The following TRIM46 variants were observed in gnomAD, a reference collection of about 807,000 sequenced individuals.
TRIM46 encodes tripartite motif containing 46.
A neutral mutation model predicts 69.7 loss-of-function variants in TRIM46; 17 were observed. The observed-to-expected ratio is 0.24, with a 90% confidence interval of 0.17 to 0.37. The LOEUF (loss-of-function observed/expected upper bound fraction) is 0.37. Among genes scored for constraint, TRIM46 ranks in the 10% least tolerant of loss-of-function variants. The probability of loss-of-function intolerance (pLI) is 1.00; values close to 1 mark genes in which losing one functional copy is unlikely to be tolerated. For missense variants in TRIM46, 675 were observed against 1,025.1 expected (o/e 0.66, Z 4.66); for synonymous variants, 391 against 429.0 (o/e 0.91, Z 1.09).
chr1:155,181,197 G>A lies in TRIM46; in HGVS notation c.1589-655G>A, dbSNP rs974205470. ...AGGGGTTGCAGTGAGCCAAGATTGC[G>A]CCACTGCACTCCAGCCTGGGGAACA... is the stretch of plus-strand genomic sequence containing the variant. On this transcript the variant is annotated intron_variant, in intron 8 of 9. Transcript: ENST00000334634. This position sits in a 1 kb window ranked among gnomAD's most constrained non-coding sequence, Gnocchi z 4.3. 2.6e-5 allele frequency among the ~76,000 whole-genome samples: 4 copies of A among 152,158 alleles called. No individual in the cohort carries two copies. Among genetic ancestry groups the A allele is most frequent in the South Asian group, 2.1e-4 (1 of 4,830 alleles).
rs562410050 is a variant in TRIM46, at chr1:155,178,500, G to T, written c.1172G>T (p.Arg391Leu). 6.2e-7 allele frequency: 1 copy of T among 1,613,920 alleles called. No homozygotes were observed. The highest frequency in any genetic ancestry group is 8.5e-7 in the Non-Finnish European group (1 of 1,179,994). The change falls in exon 7 of 10, where the codon CGA becomes CTA. Residue 391 changes from arginine (R) to leucine (L), a missense_variant. Transcript: ENST00000334634. ...AAKQLHNRIA[R>L]ATEALQTFRP... ...TCTTGCCCCCATCCCAGGATTGCCC[G>T]AGCCACTGAAGCCCTCCAGACATTC...
chr1:155,177,984 G>C lies in TRIM46; in HGVS notation c.910-18G>C, dbSNP rs928060313. On this transcript the variant is annotated intron_variant, in intron 5 of 9. Coordinates refer to ENST00000334634, the MANE Select transcript of TRIM46 (RefSeq NM_025058.5). ...AGATAGTAAGTCACGCATCCTTTGG[G>C]TGTTGCTCCCTGGGCAGGTGAGTGG... The C allele has an allele frequency of 6.2e-7, 1 of 1,610,200 alleles. No homozygotes were observed. The highest frequency in any genetic ancestry group is 8.5e-7 in the Non-Finnish European group (1 of 1,178,126).
intron 1 of TRIM46, chr1:155,174,656 TG>T: frequency 1.3e-6 from 2 of 1,499,456 alleles, no homozygotes; most frequent in Non-Finnish European, 1.8e-6. Context: ...GGTGTGGGGG[TG>T]GGGCATAGCC....
chr1:155,176,783 G>C (rs1665688065), intron 3 of TRIM46, 149 bp from the exon 4 acceptor site: 1 of 980,008 alleles, frequency 1.0e-6, no homozygotes, highest in East Asian at 2.4e-5. Flanking sequence ...ATGCCAGTAT[G>C]TACCACCAGG....
Position 155,181,905 on chromosome 1 carries a change from A to C in TRIM46, c.1642A>C (p.Ile548Leu). The C allele has an allele frequency of 6.2e-7, 1 of 1,613,724 alleles. No individual in the cohort carries two copies. The highest frequency in any genetic ancestry group is 8.5e-7 in the Non-Finnish European group (1 of 1,179,826). Reference protein sequence around the residue: ...RWGASRERLAISKDQRAVRSV... With the variant: ...RWGASRERLALSKDQRAVRSV... ...GGGCGCAAGCCGAGAGCGGCTGGCT[A>C]TCAGCAAGGACCAGCGAGCAGTACG... The change falls in exon 9 of 10, where the codon ATC becomes CTC. Residue 548 changes from isoleucine to leucine, a missense_variant. Ile to Leu is a conservative substitution (Grantham distance 5). Around this residue, in one of 5 missense-constraint regions of TRIM46, gnomAD observed 361 missense variants for 498.3 expected, o/e 0.72. Coordinates refer to ENST00000334634, the MANE Select transcript of TRIM46 (RefSeq NM_025058.5). This position sits in a 1 kb window ranked among gnomAD's most constrained non-coding sequence, Gnocchi z 4.3.
At chr1:155,174,483 G>C (rs1024268493) in intron 1 of TRIM46, 1 of 1,423,360 alleles carries the variant, frequency 7.0e-7, no homozygotes. Context: ...ACTCAGGGCT[G>C]CTTCCGAGCC....
rs761719865 is a variant in TRIM46 at position 155,184,102 on chromosome 1, T to C, written c.2192T>C (p.Ile731Thr). ...SGPVCPAFCF[I>T]GGGAVQLQEP... ...CCTGTGTGCCCTGCCTTTTGCTTCA[T>C]CGGGGGTGGCGCAGTACAGCTCCAG... The change falls in exon 10 of 10, where the codon ATC becomes ACC. Residue 731 changes from isoleucine (I) to threonine (T), a missense_variant. Physicochemically the swap from Ile to Thr is moderately conservative, Grantham distance 89 (BLOSUM62 -1). This residue lies in a region of TRIM46 where 108 missense variants were observed against 153.0 expected (regional missense o/e 0.71). Transcript: ENST00000334634. The surrounding 1 kb of genome is among the most constrained non-coding windows in gnomAD (Gnocchi z 5.6). The C allele has an allele frequency of 6.2e-7, 1 of 1,613,904 alleles. No individual in the cohort carries two copies. Among genetic ancestry groups the C allele is most frequent in the Non-Finnish European group, 8.5e-7 (1 of 1,180,030 alleles).
chr1:155,178,341 G>A (rs915711356), intron 6 of TRIM46, 86 bp downstream of exon 6: 17 of 1,554,692 alleles, frequency 1.1e-5, no homozygotes, highest in Non-Finnish European at 1.5e-5. Flanking sequence ...ACTGCCAGGT[G>A]GAGAACTGGC....
Position 155,179,416 on chromosome 1 carries a change from G to A in TRIM46, c.1286-216G>A, listed in dbSNP as rs557624257. 9.2e-5 allele frequency among the ~76,000 whole-genome samples: 14 copies of A among 152,236 alleles called. No individual in the cohort carries two copies. The East Asian group carries it at 2.3e-3, about 25-fold the overall frequency. ...AGCAGCCCAGAACTAGCACACAGGT[G>A]TCCTGACCCCCAGCCCAGCGCTTTC... On this transcript the variant is annotated intron_variant, in intron 7 of 9. Coordinates refer to ENST00000334634, the MANE Select transcript of TRIM46 (RefSeq NM_025058.5).
Position 155,174,010 on chromosome 1 carries a change from A to C in TRIM46, c.44A>C (p.Asp15Ala), listed in dbSNP as rs1347334756. The C allele has an allele frequency of 6.4e-6, 10 of 1,569,218 alleles. No homozygotes were observed. Among genetic ancestry groups the C allele is most frequent in the Admixed American group, 1.9e-5 (1 of 52,728 alleles). Residue 15 changes from aspartate to alanine, a missense_variant, in exon 1 of 10, where the codon GAC becomes GCC. Asp to Ala is a moderately radical substitution (Grantham distance 126, BLOSUM62 -2). Transcript: ENST00000334634. ...ATGCAGACCTTCACTTCCATCATGG[A>C]CGCACTGGTCCGCATCAGTGTGAGT... ...EDMQTFTSIMDALVRISTSMK... is the reference protein window; with the variant it reads ...EDMQTFTSIMAALVRISTSMK...
At position 155,178,610 on chromosome 1, in the gene TRIM46, C is replaced by T; in HGVS notation, c.1282C>T (p.Arg428Ter). 1 of 1,612,926 alleles carries T rather than the reference C, an allele frequency of 6.2e-7. No individual in the cohort carries two copies. The highest frequency in any genetic ancestry group is 8.5e-7 in the Non-Finnish European group (1 of 1,179,928). ...MKLLTELNFLRVPEAPVIDTQ... is the reference protein window; with the variant it reads ...MKLLTELNFL ...GCTGCTGACAGAGCTTAACTTCCTGCGAGGTAAGGAGATGGCCAGGCCCCA... is the reference window on the plus strand; with the variant it reads ...GCTGCTGACAGAGCTTAACTTCCTGTGAGGTAAGGAGATGGCCAGGCCCCA... Residue 428 changes from arginine (R) to a stop codon, truncating the protein, a stop_gained, in exon 7 of 10, where the codon CGA becomes TGA. Coordinates refer to ENST00000334634, the MANE Select transcript of TRIM46 (RefSeq NM_025058.5). LOFTEE classifies it high-confidence loss of function.
chr1:155,175,704 T>C lies in TRIM46; in HGVS notation c.325+57T>C. 1.9e-6 allele frequency: 3 copies of C among 1,610,634 alleles called. No individual in the cohort carries two copies. The highest frequency in any genetic ancestry group is 2.5e-6 in the Non-Finnish European group (3 of 1,179,618). Reference sequence around the variant, plus strand: ...AACGCTGAGCTATTCATCAGGAAGATGGAAGAAGTCCATCACTGGTCAGAG... The same window carrying C: ...AACGCTGAGCTATTCATCAGGAAGACGGAAGAAGTCCATCACTGGTCAGAG... On this transcript the variant is annotated intron_variant, in intron 2 of 9. Transcript: ENST00000334634. This position sits in a 1 kb window ranked among gnomAD's most constrained non-coding sequence, Gnocchi z 4.2.
chr1:155,178,249 A>G lies in TRIM46; in HGVS notation c.1157A>G (p.His386Arg), dbSNP rs1471585613. The G allele has an allele frequency of 6.3e-7, 1 of 1,599,542 alleles. No individual in the cohort carries two copies. The highest frequency in any genetic ancestry group is 8.5e-7 in the Non-Finnish European group (1 of 1,170,436). ...TTTGTGCAAGCCGCCAAGCAGCTGC[A>G]CAACAGGTACTCAGGGGCATGGGCT... ...PCFVQAAKQL[H>R]NRIARATEAL... The change falls in exon 6 of 10, where the codon CAC becomes CGC. Residue 386 changes from histidine to arginine, a missense_variant. His to Arg is a conservative substitution (Grantham distance 29). This residue lies in a region of TRIM46 where 361 missense variants were observed against 498.3 expected (regional missense o/e 0.72). Coordinates refer to ENST00000334634, the MANE Select transcript of TRIM46 (RefSeq NM_025058.5).
At position 155,174,015 on chromosome 1, in the gene TRIM46, C is replaced by T; in HGVS notation, c.49C>T (p.Leu17=). The T allele has an allele frequency of 1.9e-6, 3 of 1,567,040 alleles. No homozygotes were observed. The highest frequency in any genetic ancestry group is 2.6e-6 in the Non-Finnish European group (3 of 1,156,458). Reference sequence around the variant, plus strand: ...GACCTTCACTTCCATCATGGACGCACTGGTCCGCATCAGTGTGAGTTAAGG... The same window carrying T: ...GACCTTCACTTCCATCATGGACGCATTGGTCCGCATCAGTGTGAGTTAAGG... ...MQTFTSIMDA[L]VRISTSMKNM... Residue 17 remains leucine, a synonymous_variant, in exon 1 of 10, where the codon CTG becomes TTG. Transcript: ENST00000334634.
At position 155,177,299 on chromosome 1, in the gene TRIM46, G is replaced by T; in HGVS notation, c.909+9G>T. ...CCGTGAGGCACACCGAGGTGAGGGA[G>T]GGCACAGAGGTAGGCCCTGGGCCCT... On this transcript the variant is annotated intron_variant, in intron 5 of 9. Coordinates refer to ENST00000334634, the MANE Select transcript of TRIM46 (RefSeq NM_025058.5). 1 of 1,613,156 alleles carries T rather than the reference G, an allele frequency of 6.2e-7. No individual in the cohort carries two copies. The highest frequency in any genetic ancestry group is 1.1e-5 in the South Asian group (1 of 91,004).
intron 9 of TRIM46, among the ~76,000 whole-genome samples, chr1:155,183,565 G>A (rs1571763498): frequency 1.3e-5 from 2 of 151,894 alleles, no homozygotes; most frequent in African/African-American, 2.4e-5. Flanking sequence ...TTTCCTGTCC[G>A]CCTGCCCCTC....
rs11465212 is a variant in TRIM46 at position 155,184,969 on chromosome 1, G to A, written c.*779G>A. The A allele has an allele frequency of 0.012, 1,866 of 152,870 alleles. 15 individuals are homozygous for A. Among genetic ancestry groups the A allele is most frequent in the Non-Finnish European group, 0.019 (1,279 of 68,208 alleles). 9.5% of individuals were successfully genotyped at this position (152,870 alleles called of 1,614,324 possible). Reference sequence around the variant, plus strand: ...TGCCAGGCACATCTCTGCCTTCCCTGAGCGCAATCATTCCTGTGAGTTTCT... The same window carrying A: ...TGCCAGGCACATCTCTGCCTTCCCTAAGCGCAATCATTCCTGTGAGTTTCT... On this transcript the variant is annotated 3_prime_UTR_variant, in exon 10 of 10. Transcript: ENST00000334634. The surrounding 1 kb of genome is among the most constrained non-coding windows in gnomAD (Gnocchi z 5.6).
rs1666065952 is a variant in TRIM46 at position 155,180,381 on chromosome 1, G to A, written c.1588+447G>A. 2.9e-5 allele frequency: 10 copies of A among 348,144 alleles called. No homozygotes were observed. The Admixed American group carries it at 4.5e-4, about 16-fold the overall frequency. The allele number at this position is 348,144 out of a possible 1,614,324, so 21.6% of individuals were successfully genotyped here. ...GGAGGCCGAGGCGGGCGGATCACAAGGTCAAGAGTTTGAGACCAGCCTGGC... is the reference window on the plus strand; with the variant it reads ...GGAGGCCGAGGCGGGCGGATCACAAAGTCAAGAGTTTGAGACCAGCCTGGC... On this transcript the variant is annotated intron_variant, in intron 8 of 9. Coordinates refer to ENST00000334634, the MANE Select transcript of TRIM46 (RefSeq NM_025058.5).
chr1:155,183,541 AC>A (rs753141580), intron 9 of TRIM46, among the ~76,000 whole-genome samples: 3 of 152,024 alleles, frequency 2.0e-5, no homozygotes, highest in Non-Finnish European at 4.4e-5. Context: ...CGCGGGCTAT[AC>A]CAATGCCATG....
Sources: gnomAD v4.1 joint callset for allele counts (sites outside exome capture counted in the v4.1 genomes callset) on GRCh38, gnomAD v4.1.1 for gene constraint, gnomAD v4.1.1 regional missense constraint, Gnocchi (gnomAD v3.1) non-coding constraint, MANE v1.5 for transcripts, NCBI Gene and HGNC (gene_info 2026-07-23, HGNC 2026-07-21) for gene names.